MARK1: variants seen among roughly 807,000 people sequenced by gnomAD.
MARK1 encodes serine/threonine-protein kinase MARK1.
MARK1 carries 40 observed loss-of-function variants against 96.3 expected under a neutral mutation model. The ratio of observed to expected loss-of-function variants is 0.42; its 90% CI spans 0.32 to 0.54. The LOEUF is 0.54. MARK1 is among the 20% of genes least tolerant of loss of function. The pLI is 0.16. For missense variants in MARK1, 719 were observed against 984.6 expected (o/e 0.73, Z 3.61); for synonymous variants, 317 against 341.2 (o/e 0.93, Z 0.78).
Position 220,627,410 on chromosome 1 carries a change from G to C in MARK1, c.910-3625G>C, listed in dbSNP as rs1413562600. ...GGAGAAAACCAAGGAGGAGAAGCCA[G>C]AAGCCAAAGGGGTCAAGGAGGAGGT... On this transcript the variant is annotated intron_variant, in intron 9 of 17. Transcript: ENST00000366917. The C allele has an allele frequency of 6.3e-6, 3 of 479,788 alleles. No homozygotes were observed. The East Asian group carries it at 2.0e-4, about 32-fold the overall frequency. The allele number at this position is 479,788 out of a possible 1,614,324, so 29.7% of individuals were successfully genotyped here.
At chr1:220,639,045 A>G (rs1668126460) in intron 13 of MARK1, among the ~76,000 whole-genome samples, 1 of 152,094 alleles carries the variant, frequency 6.6e-6, no homozygotes, top group South Asian at 2.1e-4. Context: ...GGAGTTTGAG[A>G]CCAGCCTGGG....
chr1:220,579,531 G>T lies in MARK1; in HGVS notation c.229G>T (p.Ala77Ser), dbSNP rs1310396054. Residue 77 changes from alanine (A) to serine (S), a missense_variant, in exon 2 of 18, where the codon GCA (alanine) becomes TCA (serine). This residue lies in a region of MARK1 where 105 missense variants were observed against 133.4 expected (regional missense o/e 0.79). Transcript: ENST00000366917. ...GKGNFAKVKL[A>S]RHVLTGREVA... ...GGGAAATTTTGCCAAAGTCAAATTG[G>T]CAAGACACGTTCTAACTGGTAGAGA... 6.2e-7 allele frequency: 1 copy of T among 1,613,826 alleles called. No individual in the cohort carries two copies. The highest frequency in any genetic ancestry group is 1.3e-5 in the African/African-American group (1 of 74,894).
At chr1:220,558,761 T>C in intron 1 of MARK1, among the ~76,000 whole-genome samples, 1 of 152,044 alleles carries the variant, frequency 6.6e-6, no homozygotes, top group African/African-American at 2.4e-5. Flanking sequence ...GCATCTCTAA[T>C]GATAAAACTA....
intron 3 of MARK1, among the ~76,000 whole-genome samples, chr1:220,587,002 A>G (rs1664666194): frequency 6.6e-6 from 1 of 152,200 alleles, no homozygotes; most frequent in African/African-American, 2.4e-5. Flanking sequence ...TTAAAGAAAT[A>G]AAACATCACA....
At chr1:220,593,078 A>G (rs1056991590) in intron 3 of MARK1, among the ~76,000 whole-genome samples, 1 of 152,234 alleles carries the variant, frequency 6.6e-6, no homozygotes, top group African/African-American at 2.4e-5. Context: ...TTAGAGATAT[A>G]TAATAGCAAT....
chr1:220,650,603 T>C lies in MARK1; in HGVS notation c.1471-17T>C. 1 of 1,526,622 alleles carries C rather than the reference T, an allele frequency of 6.6e-7. No homozygotes were observed. Among genetic ancestry groups the C allele is most frequent in the Non-Finnish European group, 9.0e-7 (1 of 1,108,908 alleles). The allele number at this position is 1,526,622 out of a possible 1,614,324, so 94.6% of individuals were successfully genotyped here. On this transcript the variant is annotated splice_polypyrimidine_tract_variant and intron_variant, in intron 13 of 17. Transcript: ENST00000366917. ...TATATTTATAATTTTTTAATTGCCTTTTTTTTATTCTTGAAGAACAATGTG... is the reference window on the plus strand; with the variant it reads ...TATATTTATAATTTTTTAATTGCCTCTTTTTTATTCTTGAAGAACAATGTG...
intron 1 of MARK1, among the ~76,000 whole-genome samples, chr1:220,567,562 C>T (rs1451409294): frequency 6.6e-6 from 1 of 152,076 alleles, no homozygotes; most frequent in Non-Finnish European, 1.5e-5. Flanking sequence ...TCTGGACTTT[C>T]CCTTTATTTT....
At position 220,654,745 on chromosome 1, in the gene MARK1, T is replaced by G. The variant is rs1478360974; in HGVS notation, c.1988+1393T>G. Among the ~76,000 whole-genome samples, 1 of 152,272 alleles carries G rather than the reference T, an allele frequency of 6.6e-6. No homozygotes were observed. The highest frequency in any genetic ancestry group is 2.4e-5 in the African/African-American group (1 of 41,480). ...CTCATGGTTAAGCCAGAATTAATTT[T>G]AAAGTGAAGAAAAATAGGTTTATAG... On this transcript the variant is annotated intron_variant, in intron 16 of 17. Transcript: ENST00000366917. The surrounding 1 kb of genome is among the most constrained non-coding windows in gnomAD (Gnocchi z 4.0).
At chr1:220,658,431 C>T (rs1031569281) in intron 17 of MARK1, among the ~76,000 whole-genome samples, 6 of 152,120 alleles carry the variant, frequency 3.9e-5, no homozygotes, top group African/African-American at 7.2e-5. Context: ...ATTCAGGGGC[C>T]GAGGCAGGTG....
At chr1:220,556,494 A>AAC (rs1407860014) in intron 1 of MARK1, among the ~76,000 whole-genome samples, 3 of 147,338 alleles carry the variant, frequency 2.0e-5, no homozygotes, top group Non-Finnish European at 4.5e-5. Context: ...ACAAAAAAAA[A>AAC]AAAAAAAAAA....
At chr1:220,594,078 C>T (rs1558284289) in intron 3 of MARK1, among the ~76,000 whole-genome samples, 1 of 152,172 alleles carries the variant, frequency 6.6e-6, no homozygotes, top group Non-Finnish European at 1.5e-5. Context: ...AAATTAGAAT[C>T]AACAAGATAT....
At chr1:220,624,257 C>T (rs942835092) in intron 9 of MARK1, among the ~76,000 whole-genome samples, 9 of 145,418 alleles carry the variant, frequency 6.2e-5, no homozygotes, top group African/African-American at 2.3e-4. Flanking sequence ...GAGATCATGC[C>T]ACTGCACTCC....
rs912196535 is a variant in MARK1, at chr1:220,663,739, T to C, written c.*1573T>C. 3 of 152,522 alleles carry C rather than the reference T, an allele frequency of 2.0e-5. No individual in the cohort carries two copies. The highest frequency in any genetic ancestry group is 7.2e-5 in the African/African-American group (3 of 41,430). 9.4% of individuals were successfully genotyped at this position (152,522 alleles called of 1,614,324 possible). A position where few individuals can be genotyped will look rare whatever the true frequency, so the allele number is the denominator to read the frequency against. ...ATGTAGCTTTCTTCTGTAACAGTTA[T>C]GTTTTAAAATTAAGTGAGTTTTTTT... On this transcript the variant is annotated 3_prime_UTR_variant, in exon 18 of 18. Coordinates refer to ENST00000366917, the MANE Select transcript of MARK1 (RefSeq NM_018650.5).
At chr1:220,529,860 G>A (rs2102679747) in intron 1 of MARK1, among the ~76,000 whole-genome samples, 1 of 152,236 alleles carries the variant, frequency 6.6e-6, no homozygotes, top group South Asian at 2.1e-4. Context: ...CTGTAAATAG[G>A]GCTTGGCTGA....
At chr1:220,554,502 T>G (rs1387737462) in intron 1 of MARK1, among the ~76,000 whole-genome samples, 5 of 152,208 alleles carry the variant, frequency 3.3e-5, no homozygotes, top group Non-Finnish European at 7.3e-5. Flanking sequence ...AAGAATTATG[T>G]GGCCCCAAAT....
intron 3 of MARK1, among the ~76,000 whole-genome samples, chr1:220,591,683 T>C (rs1407344251): frequency 6.6e-6 from 1 of 152,224 alleles, no homozygotes; most frequent in Non-Finnish European, 1.5e-5. Flanking sequence ...TTAACACTTC[T>C]ATTGTACACA....
chr1:220,571,638 G>A (rs1439369046), intron 1 of MARK1: 2 of 152,174 alleles, frequency 1.3e-5, no homozygotes, highest in Non-Finnish European at 2.9e-5. Flanking sequence ...TTCATTGCTT[G>A]GATCCTTATG....
At chr1:220,647,148 C>A (rs1268772316) in intron 13 of MARK1, among the ~76,000 whole-genome samples, 2 of 152,136 alleles carry the variant, frequency 1.3e-5, no homozygotes, top group Non-Finnish European at 2.9e-5. Context: ...TTTTTGCAAT[C>A]TATCCATCTG....
chr1:220,649,666 A>T (rs570970674), intron 13 of MARK1, among the ~76,000 whole-genome samples: 1 of 152,192 alleles, frequency 6.6e-6, no homozygotes, highest in Non-Finnish European at 1.5e-5. Context: ...CTACTGAAAA[A>T]TTTTAAATCT....
Sources: allele counts gnomAD v4.1 joint callset (sites outside exome capture counted in the v4.1 genomes callset), GRCh38; gene constraint gnomAD v4.1.1; regional missense constraint gnomAD v4.1.1; non-coding constraint Gnocchi (gnomAD v3.1); transcripts MANE v1.5; gene names NCBI Gene and HGNC (gene_info 2026-07-23, HGNC 2026-07-21).